The following ADAMTSL1 variants were observed in gnomAD, a reference collection of about 807,000 sequenced individuals.
ADAMTSL1 encodes the protein ADAMTS-like protein 1.
In ADAMTSL1, 126 loss-of-function variants were observed where a neutral mutation model predicts 201.8. That is an observed-to-expected ratio of 0.62 (90% confidence interval 0.54 to 0.72). The LOEUF (loss-of-function observed/expected upper bound fraction) is 0.72. ADAMTSL1 is among the 30% of genes least tolerant of loss of function. The probability of loss-of-function intolerance (pLI) is 0.00; values close to 1 mark genes in which losing one functional copy is unlikely to be tolerated. For synonymous variants in ADAMTSL1, 1,121 were observed against 903.4 expected (o/e 1.24, Z -4.32); for missense variants, 2,679 against 2,277.8 (o/e 1.18, Z -3.59).
intron 23 of ADAMTSL1, among the ~76,000 whole-genome samples, chr9:18,854,240 A>G (rs911122807): frequency 4.6e-5 from 7 of 151,606 alleles, no homozygotes; most frequent in African/African-American, 1.2e-4. Context: ...ATATGCACGC[A>G]CACACACACA....
intron 2 of ADAMTSL1, among the ~76,000 whole-genome samples, chr9:18,208,308 T>C (rs1216199372): frequency 1.3e-5 from 2 of 152,118 alleles, no homozygotes; most frequent in African/African-American, 4.8e-5. Flanking sequence ...TAGGAAGCTG[T>C]GAAATTGCTC....
chr9:18,236,267 T>C (rs1830844557), intron 2 of ADAMTSL1, among the ~76,000 whole-genome samples: 1 of 152,124 alleles, frequency 6.6e-6, no homozygotes, highest in Non-Finnish European at 1.5e-5. Context: ...AGACGGGGTT[T>C]CACTAAGTTG....
Position 18,823,708 on chromosome 9 carries a change from G to A in ADAMTSL1, c.3935-2576G>A, listed in dbSNP as rs535471447. 5.9e-5 allele frequency among the ~76,000 whole-genome samples: 9 copies of A among 152,312 alleles called. No homozygotes were observed. The South Asian group carries it at 1.7e-3, about 28-fold the overall frequency. ...AATAATGGTAGAAAATGGTTTGCAG[G>A]GCCGGCATGGTGGCTCGTGCCTGTA... On this transcript the variant is annotated intron_variant, in intron 21 of 28. Coordinates refer to ENST00000380548, the MANE Select transcript of ADAMTSL1 (RefSeq NM_001040272.6).
At chr9:18,495,587 C>T (rs557845049) in intron 1 of ADAMTSL1, among the ~76,000 whole-genome samples, 1 of 152,278 alleles carries the variant, frequency 6.6e-6, no homozygotes, top group Admixed American at 6.5e-5. Flanking sequence ...CCAGAGTGTT[C>T]CAAATATCCA....
intron 13 of ADAMTSL1, among the ~76,000 whole-genome samples, chr9:18,695,654 G>A (rs1469057873): frequency 6.6e-6 from 1 of 152,152 alleles, no homozygotes; most frequent in Non-Finnish European, 1.5e-5. Flanking sequence ...CATATCACTA[G>A]CATTTTGATT....
intron 1 of ADAMTSL1, among the ~76,000 whole-genome samples, chr9:18,033,104 A>G (rs1586923847): frequency 6.6e-6 from 1 of 152,302 alleles, no homozygotes; most frequent in African/African-American, 2.4e-5. Context: ...ATAATATAAT[A>G]ACTTCCTTAT....
intron 1 of ADAMTSL1, among the ~76,000 whole-genome samples, chr9:18,497,268 T>C (rs1040612879): frequency 1.3e-5 from 2 of 152,136 alleles, no homozygotes; most frequent in Admixed American, 1.3e-4. Flanking sequence ...TTCAAAAACA[T>C]GAAATAAATG....
At chr9:18,867,979 A>G (rs1190955509) in intron 23 of ADAMTSL1, among the ~76,000 whole-genome samples, 2 of 152,062 alleles carry the variant, frequency 1.3e-5, no homozygotes, top group Admixed American at 1.3e-4. Flanking sequence ...CCATGTATTC[A>G]CCTTGTCTAA....
intron 7 of ADAMTSL1, chr9:18,651,517 G>C (rs944239026): frequency 3.8e-4 from 58 of 152,326 alleles, no homozygotes; most frequent in Middle Eastern, 3.4e-3. Flanking sequence ...CAGCAGAAGA[G>C]AAAATAATAG....
intron 1 of ADAMTSL1, among the ~76,000 whole-genome samples, chr9:18,000,640 G>A (rs949357652): frequency 1.3e-5 from 2 of 152,024 alleles, no homozygotes; most frequent in African/African-American, 2.4e-5. Flanking sequence ...TATTCACTTA[G>A]CGGATGTTTA....
At chr9:18,489,467 G>C (rs1822160753) in intron 1 of ADAMTSL1, among the ~76,000 whole-genome samples, 1 of 152,132 alleles carries the variant, frequency 6.6e-6, no homozygotes, top group Non-Finnish European at 1.5e-5. Flanking sequence ...CCAGTTACCA[G>C]GATGTCGCGT....
chr9:17,957,016 C>G (rs939958326), intron 1 of ADAMTSL1, among the ~76,000 whole-genome samples: 18 of 152,032 alleles, frequency 1.2e-4, no homozygotes, highest in African/African-American at 4.1e-4. Flanking sequence ...GCATAGCTAT[C>G]TCATGATTCA....
At chr9:18,649,809 C>T (rs1473532936) in intron 7 of ADAMTSL1, among the ~76,000 whole-genome samples, 1 of 152,072 alleles carries the variant, frequency 6.6e-6, no homozygotes, top group Non-Finnish European at 1.5e-5. Context: ...CTGGGGGGTG[C>T]CTCCCAGTTA....
chr9:17,950,143 G>A (rs2131371241), intron 1 of ADAMTSL1, among the ~76,000 whole-genome samples: 1 of 152,174 alleles, frequency 6.6e-6, no homozygotes, highest in East Asian at 1.9e-4. Flanking sequence ...CTGGACTCAG[G>A]TGATCTGCCT....
chr9:18,532,256 G>A (rs1403534374), intron 2 of ADAMTSL1, among the ~76,000 whole-genome samples: 3 of 152,042 alleles, frequency 2.0e-5, no homozygotes, highest in Non-Finnish European at 4.4e-5. Flanking sequence ...ATTGCTGGTG[G>A]GAGTATGTAA....
At chr9:18,365,537 A>G (rs778492581) in intron 2 of ADAMTSL1, among the ~76,000 whole-genome samples, 1 of 152,182 alleles carries the variant, frequency 6.6e-6, no homozygotes, top group Non-Finnish European at 1.5e-5. Context: ...CACATCATAT[A>G]TATTCTTTGG....
intron 18 of ADAMTSL1, 41 bp downstream of exon 18, chr9:18,775,937 A>G: frequency 6.4e-7 from 1 of 1,564,130 alleles, no homozygotes; most frequent in East Asian, 2.4e-5. Context: ...GATGAAACCC[A>G]CACAGCAGCA....
intron 1 of ADAMTSL1, among the ~76,000 whole-genome samples, chr9:18,031,130 T>C (rs1478301953): frequency 1.3e-5 from 2 of 152,194 alleles, no homozygotes; most frequent in Non-Finnish European, 2.9e-5. Context: ...TTCTTTGCCG[T>C]CCAGATTTTG....
chr9:18,887,985 C>T lies in ADAMTSL1; in HGVS notation c.4404C>T (p.Ser1468=), dbSNP rs1829008720. The change falls in exon 24 of 29, where the codon AGC becomes AGT. Residue 1468 remains serine, a synonymous_variant. Coordinates refer to ENST00000380548, the MANE Select transcript of ADAMTSL1 (RefSeq NM_001040272.6). ...GCGGTGGGTCTCAAGGGGAATTCAGCTGCCTTGCTCAGAATGAGGCAGGGG... is the reference window on the plus strand; with the variant it reads ...GCGGTGGGTCTCAAGGGGAATTCAGTTGCCTTGCTCAGAATGAGGCAGGGG... ...NLSGGSQGEF[S]CLAQNEAGVL... is the part of the protein sequence containing the mutation. 6.2e-7 allele frequency: 1 copy of T among 1,613,958 alleles called. No homozygotes were observed. Among genetic ancestry groups the T allele is most frequent in the Non-Finnish European group, 8.5e-7 (1 of 1,179,900 alleles).
Sources: gnomAD v4.1 joint callset for allele counts (sites outside exome capture counted in the v4.1 genomes callset) on GRCh38, gnomAD v4.1.1 for gene constraint, MANE v1.5 for transcripts, NCBI Gene and HGNC (gene_info 2026-07-23, HGNC 2026-07-21) for gene names.